The following TMCC3 variants were observed in gnomAD, a reference collection of about 807,000 sequenced individuals.
The protein encoded by TMCC3 is transmembrane and coiled-coil domain protein 3.
TMCC3 carries 28 observed loss-of-function variants against 40.2 expected under a neutral mutation model. The observed-to-expected ratio is 0.70, with a 90% CI of 0.52 to 0.95. The LOEUF (loss-of-function observed/expected upper bound fraction) is 0.95, where lower values mean the gene tolerates loss of function less well. TMCC3 is among the 40% of genes least tolerant of loss of function. TMCC3 has a pLI of 0.00. For synonymous variants in TMCC3, 255 were observed against 248.5 expected (o/e 1.03, Z -0.25); for missense variants, 554 against 615.2 (o/e 0.90, Z 1.05).
chr12:94,630,215 G>A (rs568107993), intron 1 of TMCC3, among the ~76,000 whole-genome samples: 33 of 150,880 alleles, frequency 2.2e-4, no homozygotes, highest in African/African-American at 7.6e-4. Flanking sequence ...AGAACGTGTC[G>A]CTGCACTCCA....
intron 1 of TMCC3, among the ~76,000 whole-genome samples, chr12:94,638,027 C>T (rs538742093): frequency 5.3e-5 from 8 of 152,178 alleles, no homozygotes; most frequent in South Asian, 2.1e-4. Context: ...GAAAGGAGAC[C>T]GGAGTTCAAG....
chr12:94,584,178 G>A lies in TMCC3; in HGVS notation c.79-1640C>T, dbSNP rs569793252. ...CCTGGTGGGAGGTGATCGAATCATGGGGGCGGATTTCTCATGAATGGTTTA... is the reference window on the plus strand; with the variant it reads ...CCTGGTGGGAGGTGATCGAATCATGAGGGCGGATTTCTCATGAATGGTTTA... On this transcript the variant is annotated intron_variant, in intron 1 of 3. Coordinates refer to ENST00000261226, the MANE Select transcript of TMCC3 (RefSeq NM_020698.4). Among the ~76,000 whole-genome samples the A allele has an allele frequency of 5.3e-5, 8 of 152,206 alleles. No individual in the cohort carries two copies. The South Asian group carries it at 1.7e-3, about 32-fold the overall frequency.
chr12:94,599,218 C>T (rs1227070321), intron 1 of TMCC3, among the ~76,000 whole-genome samples: 22 of 152,154 alleles, frequency 1.4e-4, no homozygotes, highest in Non-Finnish European at 1.5e-5. Context: ...TACAGGAATT[C>T]ATGATAGGGT....
intron 1 of TMCC3, chr12:94,598,849 G>T: frequency 2.4e-6 from 2 of 834,348 alleles, no homozygotes; most frequent in Non-Finnish European, 2.9e-6. Context: ...TGATTTTAAA[G>T]ATAAACACTG....
intron 1 of TMCC3, among the ~76,000 whole-genome samples, chr12:94,632,263 C>T (rs1021898841): frequency 7.2e-5 from 11 of 152,196 alleles, no homozygotes; most frequent in Non-Finnish European, 1.3e-4. Context: ...ATTCATAGGA[C>T]TGTGCACTTA....
intron 1 of TMCC3, among the ~76,000 whole-genome samples, chr12:94,625,159 A>AAT (rs1555285427): frequency 2.7e-5 from 4 of 146,688 alleles, no homozygotes; most frequent in Admixed American, 6.8e-5. Context: ...AAAAAAAAAA[A>AAT]TTTTTTTTTT....
chr12:94,622,139 T>C (rs1235551732), intron 1 of TMCC3, among the ~76,000 whole-genome samples: 2 of 152,208 alleles, frequency 1.3e-5, no homozygotes, highest in African/African-American at 2.4e-5. Flanking sequence ...CTTTTGGTTA[T>C]GGCAACAGCC....
intron 1 of TMCC3, among the ~76,000 whole-genome samples, chr12:94,636,189 T>C (rs908587624): frequency 1.3e-5 from 2 of 152,240 alleles, no homozygotes; most frequent in Non-Finnish European, 2.9e-5. Context: ...CTGGGATAAC[T>C]GTATAGACAT....
chr12:94,604,803 C>CAAAAA (rs11400128), intron 1 of TMCC3, among the ~76,000 whole-genome samples: 92 of 52,460 alleles, frequency 1.8e-3, no homozygotes, highest in Non-Finnish European at 2.1e-3. Context: ...GACTTCATCT[C>CAAAAA]AAAAAAAAAA....
chr12:94,650,330 G>GC, intron 1 of TMCC3, 23 bp downstream of exon 1: 4 of 1,253,140 alleles, frequency 3.2e-6, no homozygotes, highest in South Asian at 5.3e-5. Flanking sequence ...CGCACCCGCC[G>GC]CCCCCCAGCC....
At chr12:94,586,712 A>C (rs1002582505) in intron 1 of TMCC3, among the ~76,000 whole-genome samples, 6 of 152,370 alleles carry the variant, frequency 3.9e-5, no homozygotes, top group Admixed American at 1.3e-4. Context: ...GTCTCAAGGC[A>C]AAGCCTCATG....
intron 1 of TMCC3, among the ~76,000 whole-genome samples, chr12:94,608,587 C>T (rs2651962): frequency 0.32 from 49,246 of 152,008 alleles, 10,423 homozygotes; most frequent in Non-Finnish European, 0.47. Context: ...TGGTCACCAC[C>T]GTAGACTGGC....
chr12:94,624,531 G>A (rs2068892326), intron 1 of TMCC3, among the ~76,000 whole-genome samples: 1 of 151,794 alleles, frequency 6.6e-6, no homozygotes, highest in Non-Finnish European at 1.5e-5. Flanking sequence ...TGGGAAACAT[G>A]GTGAAAACCC....
At position 94,571,589 on chromosome 12, in the gene TMCC3, A is replaced by G; in HGVS notation, c.1280T>C (p.Val427Ala). 1 of 1,614,200 alleles carries G rather than the reference A, an allele frequency of 6.2e-7. No homozygotes were observed. The highest frequency in any genetic ancestry group is 1.1e-5 in the South Asian group (1 of 91,084). ...GAACTTCGCGATGGTGGACACACAC[A>G]CTAAGATGACAGTCATGAAGGCCAG... ...VILAFMTVIL[V>A]CVSTIAKFVS... The change falls in exon 4 of 4, where the codon GTG (valine) becomes GCG (alanine). Residue 427 changes from valine to alanine, a missense_variant. By Grantham distance (64) the Val-to-Ala change is moderately conservative. Coordinates refer to ENST00000261226, the MANE Select transcript of TMCC3 (RefSeq NM_020698.4).
rs528720623 is a variant in TMCC3, at chr12:94,612,335, G to A, written c.79-29797C>T. On this transcript the variant is annotated intron_variant, in intron 1 of 3. Coordinates refer to ENST00000261226, the MANE Select transcript of TMCC3 (RefSeq NM_020698.4). Reference sequence around the variant, plus strand: ...TTATTTTATTTATTTTTTTTGAGATGGAGTCTCGCTCTGTCACCAGGCTGG... The same window carrying A: ...TTATTTTATTTATTTTTTTTGAGATAGAGTCTCGCTCTGTCACCAGGCTGG... Among the ~76,000 whole-genome samples, 6 of 151,900 alleles carry A rather than the reference G, an allele frequency of 3.9e-5. No homozygotes were observed. In the East Asian group the frequency reaches 1.2e-3, roughly 29 times the overall value.
At chr12:94,601,679 A>C (rs1469798898) in intron 1 of TMCC3, among the ~76,000 whole-genome samples, 1 of 151,616 alleles carries the variant, frequency 6.6e-6, no homozygotes, top group Non-Finnish European at 1.5e-5. Flanking sequence ...ATGGTGGTGC[A>C]CACCTGTAAT....
At chr12:94,606,765 T>C (rs1375063253) in intron 1 of TMCC3, among the ~76,000 whole-genome samples, 3 of 152,014 alleles carry the variant, frequency 2.0e-5, no homozygotes, top group African/African-American at 4.8e-5. Flanking sequence ...GGAGGGGGTG[T>C]ACGAACAGGG....
At chr12:94,584,638 C>G (rs1348854541) in intron 1 of TMCC3, among the ~76,000 whole-genome samples, 11 of 150,986 alleles carry the variant, frequency 7.3e-5, no homozygotes, top group Non-Finnish European at 2.9e-5. Context: ...ATGGGCGGGT[C>G]AGGCCTCCTC....
rs773986255 is a variant in TMCC3 at position 94,571,557 on chromosome 12, G to C, written c.1312C>G (p.Pro438Ala). 1 of 1,614,162 alleles carries C rather than the reference G, an allele frequency of 6.2e-7. No homozygotes were observed. The highest frequency in any genetic ancestry group is 1.1e-5 in the South Asian group (1 of 91,080). The change falls in exon 4 of 4, where the codon CCC becomes GCC. Residue 438 changes from proline (P) to alanine (A), a missense_variant. Transcript: ENST00000261226. ...ATGTGGCAGCGACTCTTCATCATGG[G>C]TGAGACGAACTTCGCGATGGTGGAC... ...CVSTIAKFVSPMMKSRCHILG... is the reference protein window; with the variant it reads ...CVSTIAKFVSAMMKSRCHILG...
Sources: gnomAD v4.1 joint callset for allele counts (sites outside exome capture counted in the v4.1 genomes callset) on GRCh38, gnomAD v4.1.1 for gene constraint, MANE v1.5 for transcripts, NCBI Gene and HGNC (gene_info 2026-07-23, HGNC 2026-07-21) for gene names.